TNIK: variants seen among roughly 807,000 people sequenced by gnomAD.
TNIK encodes the protein TRAF2 and NCK-interacting protein kinase.
TNIK carries 49 observed loss-of-function variants against 191.3 expected under a neutral mutation model. That is an observed-to-expected ratio of 0.26 (90% CI 0.20 to 0.32). TNIK has a LOEUF of 0.32. TNIK is among the 10% of genes least tolerant of loss of function. TNIK has a pLI of 1.00. For missense variants in TNIK, 1,155 were observed against 1,702.3 expected (o/e 0.68, Z 5.66); for synonymous variants, 594 against 600.9 (o/e 0.99, Z 0.17).
intron 2 of TNIK, among the ~76,000 whole-genome samples, chr3:171,231,431 C>T (rs1375023847): frequency 2.6e-5 from 4 of 151,916 alleles, no homozygotes; most frequent in Non-Finnish European, 4.4e-5. Flanking sequence ...CAGCAGTTCT[C>T]AGTGGGTCTG....
intron 2 of TNIK, among the ~76,000 whole-genome samples, chr3:171,312,659 T>C (rs570318373): frequency 4.6e-5 from 7 of 152,312 alleles, no homozygotes; most frequent in African/African-American, 1.2e-4. Flanking sequence ...TTTAAGTTCC[T>C]AAAATACATC....
At chr3:171,213,961 A>T (rs1741164995) in intron 3 of TNIK, among the ~76,000 whole-genome samples, 1 of 152,180 alleles carries the variant, frequency 6.6e-6, no homozygotes, top group Admixed American at 6.5e-5. Context: ...ACATAACCAA[A>T]AAATAAATAA....
At chr3:171,122,259 C>CG (rs1560145215) in intron 18 of TNIK, among the ~76,000 whole-genome samples, 1 of 152,128 alleles carries the variant, frequency 6.6e-6, no homozygotes, top group Non-Finnish European at 1.5e-5. Flanking sequence ...ACAGAGCCCC[C>CG]GGGGGCAGGG....
At chr3:171,427,736 A>ATTGATTT (rs1724828549) in intron 1 of TNIK, among the ~76,000 whole-genome samples, 1 of 152,200 alleles carries the variant, frequency 6.6e-6, no homozygotes. Context: ...CAAGGGAAAG[A>ATTGATTT]TGGCTCACCC....
chr3:171,188,645 A>C, intron 7 of TNIK, 57 bp downstream of exon 7: 1 of 1,597,170 alleles, frequency 6.3e-7, no homozygotes, highest in South Asian at 1.1e-5. Context: ...GTAAGACTTT[A>C]TAAGACTCAG....
Position 171,148,421 on chromosome 3 carries a change from G to C in TNIK, c.1222-7912C>G, listed in dbSNP as rs35731554. Among the ~76,000 whole-genome samples the C allele has an allele frequency of 4.2e-3, 646 of 152,314 alleles. 13 individuals are homozygous for C. The East Asian group carries it at 0.061, about 14-fold the overall frequency. The stretch of plus-strand genomic sequence containing the variant: ...TTCTCCTGGGAGAACAGTCACACGG[G>C]ATTTCCCAGGTGTCATACAGAGGAG... On this transcript the variant is annotated intron_variant, in intron 12 of 32. Transcript: ENST00000436636.
intron 10 of TNIK, 128 bp downstream of exon 10, chr3:171,166,967 A>G: frequency 8.3e-7 from 1 of 1,210,042 alleles, no homozygotes; most frequent in South Asian, 2.0e-5. Context: ...GGTCTCAGAG[A>G]CAGCCCCTCG....
intron 1 of TNIK, among the ~76,000 whole-genome samples, chr3:171,408,527 C>G (rs1361631249): frequency 6.6e-6 from 1 of 152,194 alleles, no homozygotes. Context: ...CAGAAGACAT[C>G]AGAAAGCAGG....
chr3:171,316,315 A>C (rs1246037805), intron 2 of TNIK, among the ~76,000 whole-genome samples: 2 of 152,194 alleles, frequency 1.3e-5, no homozygotes, highest in Non-Finnish European at 2.9e-5. Flanking sequence ...AAGCCTATAC[A>C]GGCAATAAAG....
rs77311420 is a variant in TNIK at position 171,350,666 on chromosome 3, T to C, written c.123+18954A>G. The stretch of plus-strand genomic sequence containing the variant: ...TAACTGAATTTCAGATAACAGAGTA[T>C]ACTGCATACATAAAAACTAACTTTT... On this transcript the variant is annotated intron_variant, in intron 2 of 32. Coordinates refer to ENST00000436636, the MANE Select transcript of TNIK (RefSeq NM_015028.4). Among the ~76,000 whole-genome samples, 222 of 147,222 alleles carry C rather than the reference T, an allele frequency of 1.5e-3. 1 individual carries two copies. Among genetic ancestry groups the C allele is most frequent in the African/African-American group, 5.4e-3 (215 of 39,736 alleles).
intron 7 of TNIK, among the ~76,000 whole-genome samples, chr3:171,180,198 G>A (rs1486532595): frequency 1.3e-5 from 2 of 152,172 alleles, no homozygotes; most frequent in African/African-American, 4.8e-5. Context: ...CCCAGCCTTT[G>A]GATCTTGACT....
intron 1 of TNIK, among the ~76,000 whole-genome samples, chr3:171,406,973 CCCT>C (rs1721777421): frequency 6.6e-6 from 1 of 152,162 alleles, no homozygotes; most frequent in African/African-American, 2.4e-5. Context: ...CAGAGAAGGC[CCCT>C]CAGGCCTGCC....
intron 1 of TNIK, among the ~76,000 whole-genome samples, chr3:171,375,474 T>A (rs1717085338): frequency 6.6e-6 from 1 of 152,204 alleles, no homozygotes; most frequent in Non-Finnish European, 1.5e-5. Context: ...GTTAGACAAT[T>A]GAGAAGGCGC....
At chr3:171,215,871 C>G (rs145775994) in intron 3 of TNIK, among the ~76,000 whole-genome samples, 1,970 of 152,284 alleles carry the variant, frequency 0.013, 40 homozygotes, top group African/African-American at 0.045. Context: ...AACTCTCAAT[C>G]CGTGGCAGAG....
chr3:171,110,977 C>T (rs1725769047), intron 18 of TNIK, 100 bp from the exon 19 acceptor site: 7 of 1,159,306 alleles, frequency 6.0e-6, no homozygotes, highest in South Asian at 2.2e-5. Context: ...ATGTAAGGAA[C>T]TCAAAACAGC....
At chr3:171,244,170 C>T (rs968640228) in intron 2 of TNIK, among the ~76,000 whole-genome samples, 28 of 151,576 alleles carry the variant, frequency 1.8e-4, no homozygotes, top group Admixed American at 1.3e-3. Context: ...GTTCACACCA[C>T]TCTCCTGCCT....
At chr3:171,393,891 C>T (rs1205353408) in intron 1 of TNIK, among the ~76,000 whole-genome samples, 1 of 152,200 alleles carries the variant, frequency 6.6e-6, no homozygotes, top group Admixed American at 6.5e-5. Context: ...TACTGCAATT[C>T]ATCAAGTCTA....
chr3:171,197,464 G>A (rs1193744475), intron 4 of TNIK, among the ~76,000 whole-genome samples: 1 of 151,860 alleles, frequency 6.6e-6, no homozygotes, highest in African/African-American at 2.4e-5. Context: ...ACTGTGAAAA[G>A]ACAGCCCACA....
At chr3:171,154,259 C>CAAAAA (rs33932410) in intron 12 of TNIK, among the ~76,000 whole-genome samples, 6 of 137,588 alleles carry the variant, frequency 4.4e-5, no homozygotes, top group African/African-American at 1.6e-4. Context: ...GATATCTCTT[C>CAAAAA]AAAAAAAAAA....
Sources: gnomAD v4.1 joint callset for allele counts (sites outside exome capture counted in the v4.1 genomes callset) on GRCh38, gnomAD v4.1.1 for gene constraint, MANE v1.5 for transcripts, NCBI Gene and HGNC (gene_info 2026-07-23, HGNC 2026-07-21) for gene names.